Variants in LARP4B observed in about 807,000 individuals in gnomAD.
The protein encoded by LARP4B is La ribonucleoprotein 4B.
Under a neutral mutation model 89.8 loss-of-function variants are expected in LARP4B, and 12 were observed. The observed-to-expected ratio is 0.13, with a 90% CI of 0.09 to 0.22. The LOEUF (loss-of-function observed/expected upper bound fraction) is 0.22. LARP4B is among the 10% of genes least tolerant of loss of function. LARP4B has a pLI of 1.00. For synonymous variants in LARP4B, 367 were observed against 363.3 expected (o/e 1.01, Z -0.12); for missense variants, 757 against 947.7 (o/e 0.80, Z 2.64).
At chr10:883,365 T>G (rs893603491) in intron 3 of LARP4B, among the ~76,000 whole-genome samples, 4 of 151,780 alleles carry the variant, frequency 2.6e-5, no homozygotes, top group Non-Finnish European at 5.9e-5. Flanking sequence ...CACAAAATTA[T>G]CCAGGTGTGA....
At chr10:930,853 C>A (rs993796449) in intron 1 of LARP4B, among the ~76,000 whole-genome samples, 2 of 152,020 alleles carry the variant, frequency 1.3e-5, no homozygotes, top group African/African-American at 2.4e-5. Flanking sequence ...GCCCCGCACC[C>A]GCACGGCCGC....
chr10:921,771 C>T (rs984675866), intron 1 of LARP4B, among the ~76,000 whole-genome samples: 8 of 152,148 alleles, frequency 5.3e-5, no homozygotes, highest in African/African-American at 1.9e-4. Context: ...AGGTTTAACT[C>T]TCCTGTACTG....
chr10:901,614 C>T (rs952800464), intron 1 of LARP4B, among the ~76,000 whole-genome samples: 3 of 151,810 alleles, frequency 2.0e-5, no homozygotes, highest in African/African-American at 2.4e-5. Context: ...CCATTCTTTT[C>T]GTTTCATGTT....
chr10:809,144 T>C (rs1004419621), downstream of LARP4B: 1 of 152,222 alleles, frequency 6.6e-6, no homozygotes, highest in Non-Finnish European at 1.5e-5. Flanking sequence ...CTCTTCCTAG[T>C]GCAGACATCA....
In LARP4B at chr10:930,843, G is replaced by GC. The variant is rs1273804693; in HGVS notation, c.-40+584dup. ...ATGCGATGCCCTGATGACCCGTCCC[G>GC]CCCCGCACCCGCACGGCCGCCTATC... is the stretch of plus-strand genomic sequence containing the variant. On this transcript the variant is annotated intron_variant, in intron 1 of 17. Coordinates refer to ENST00000316157, the MANE Select transcript of LARP4B (RefSeq NM_015155.3). Among the ~76,000 whole-genome samples the GC allele has an allele frequency of 3.3e-5, 5 of 151,950 alleles. No homozygotes were observed. In the South Asian group the frequency reaches 8.3e-4, roughly 25 times the overall value.
Position 857,667 on chromosome 10 carries a change from G to C in LARP4B, c.430+6076C>G, listed in dbSNP as rs549702527. On this transcript the variant is annotated intron_variant, in intron 5 of 17. Coordinates refer to ENST00000316157, the MANE Select transcript of LARP4B (RefSeq NM_015155.3). ...AGTTTGTCTTAATAAGAGGTCCCAC[G>C]TGTAAGGGGCTTTTGTCATCTCAAC... is the stretch of plus-strand genomic sequence containing the variant. Among the ~76,000 whole-genome samples, 4 of 152,300 alleles carry C rather than the reference G, an allele frequency of 2.6e-5. No individual in the cohort carries two copies. In the South Asian group the frequency reaches 8.3e-4, roughly 32 times the overall value.
chr10:978,966 T>A, the LARP4B span, among the ~76,000 whole-genome samples: 1 of 152,032 alleles, frequency 6.6e-6, no homozygotes, highest in African/African-American at 2.4e-5. Flanking sequence ...TATTCCACTG[T>A]CTCCTGTCTC....
the LARP4B span, among the ~76,000 whole-genome samples, chr10:940,811 G>A: frequency 2.0e-5 from 3 of 151,762 alleles, no homozygotes; most frequent in Non-Finnish European, 4.4e-5. Context: ...AGGCCACTGC[G>A]AGACTTTGAA....
intron 1 of LARP4B, among the ~76,000 whole-genome samples, chr10:907,082 G>A (rs1469462520): frequency 1.3e-5 from 2 of 152,166 alleles, no homozygotes; most frequent in Non-Finnish European, 2.9e-5. Flanking sequence ...GTTATTCTAT[G>A]TACTCCTGCA....
At chr10:857,772 G>A (rs906019833) in intron 5 of LARP4B, among the ~76,000 whole-genome samples, 3 of 152,132 alleles carry the variant, frequency 2.0e-5, no homozygotes, top group Non-Finnish European at 2.9e-5. Flanking sequence ...TTTGTGGGAG[G>A]TATCTTTGGA....
chr10:931,522 G>A lies in LARP4B; in HGVS notation c.-134C>T, dbSNP rs1830611122. On this transcript the variant is annotated 5_prime_UTR_variant, in exon 1 of 18. Transcript: ENST00000316157. ...CCGCGCCACACGCGGGGACGGCGAG[G>A]AGAGAGACGGCAGGGAGAGGCGGCG... 3 of 150,234 alleles carry A rather than the reference G, an allele frequency of 2.0e-5. No individual in the cohort carries two copies. Among genetic ancestry groups the A allele is most frequent in the South Asian group, 1.8e-4 (1 of 5,620 alleles). 9.3% of individuals were successfully genotyped at this position (150,234 alleles called of 1,614,324 possible). A position where few individuals can be genotyped will look rare whatever the true frequency, so the allele number is the denominator to read the frequency against.
the LARP4B span, among the ~76,000 whole-genome samples, chr10:936,988 A>C: frequency 6.6e-6 from 1 of 152,238 alleles, no homozygotes; most frequent in African/African-American, 2.4e-5. Context: ...TGAGGAAGGA[A>C]AAAAGAAAGC....
chr10:881,476 C>G (rs973619081), intron 3 of LARP4B, among the ~76,000 whole-genome samples: 10 of 152,186 alleles, frequency 6.6e-5, no homozygotes, highest in African/African-American at 2.2e-4. Flanking sequence ...CTGCCTCTAT[C>G]TCCACCCCAC....
At position 914,056 on chromosome 10, in the gene LARP4B, T is replaced by C. The variant is rs182402924; in HGVS notation, c.-40+17372A>G. On this transcript the variant is annotated intron_variant, in intron 1 of 17. Transcript: ENST00000316157. ...TTAACAGGTAATCATAAAATATCTA[T>C]CTCATTTATAGGGTACAGAAAAGTT... Among the ~76,000 whole-genome samples the C allele has an allele frequency of 4.3e-3, 648 of 152,316 alleles. 6 individuals carry two copies. Among genetic ancestry groups the C allele is most frequent in the African/African-American group, 0.015 (620 of 41,576 alleles).
At chr10:824,709 G>A (rs937560785) in intron 13 of LARP4B, among the ~76,000 whole-genome samples, 3 of 152,244 alleles carry the variant, frequency 2.0e-5, no homozygotes, top group African/African-American at 7.2e-5. Context: ...CAGCTGGAGG[G>A]CGCCAGGCCA....
At chr10:941,771 GTTTGT>G in the LARP4B span, among the ~76,000 whole-genome samples, 21 of 151,350 alleles carry the variant, frequency 1.4e-4, no homozygotes, top group South Asian at 2.1e-4. Flanking sequence ...TTTTTTGTTT[GTTTGT>G]TTTGTTTTGT....
the LARP4B span, among the ~76,000 whole-genome samples, chr10:966,100 T>G: frequency 6.6e-6 from 1 of 151,488 alleles, no homozygotes; most frequent in Non-Finnish European, 1.5e-5. Context: ...GATTTTATTT[T>G]GTTTCTATCT....
At chr10:846,554 G>A (rs1433857687) in intron 5 of LARP4B, among the ~76,000 whole-genome samples, 1 of 152,232 alleles carries the variant, frequency 6.6e-6, no homozygotes, top group Admixed American at 6.5e-5. Flanking sequence ...CAGCTGAGAA[G>A]AGGGGTGACA....
intron 7 of LARP4B, among the ~76,000 whole-genome samples, chr10:838,826 CT>C (rs1343313829): frequency 6.6e-6 from 1 of 152,204 alleles, no homozygotes; most frequent in African/African-American, 2.4e-5. Flanking sequence ...TTTATAGCAA[CT>C]TTACTCATAA....
Sources: gnomAD v4.1 joint callset for allele counts (sites outside exome capture counted in the v4.1 genomes callset) on GRCh38, gnomAD v4.1.1 for gene constraint, MANE v1.5 for transcripts, NCBI Gene and HGNC (gene_info 2026-07-23, HGNC 2026-07-21) for gene names.